TFEC: variants seen among roughly 807,000 people sequenced by gnomAD.
TFEC encodes the protein class E basic helix-loop-helix protein 34.
A neutral mutation model predicts 41.6 loss-of-function variants in TFEC; 31 were observed. The ratio of observed to expected loss-of-function variants is 0.74; its 90% CI spans 0.56 to 1.01. The LOEUF (loss-of-function observed/expected upper bound fraction) is 1.01. Ranked by LOEUF, TFEC falls within the 50% of genes least tolerant of loss-of-function variation. The pLI is 0.00. For missense variants in TFEC, 402 were observed against 404.1 expected, an observed-to-expected ratio of 0.99 and a Z score of 0.04; for synonymous variants, 143 against 140.6, an observed-to-expected ratio of 1.02 and a Z score of -0.12.
chr7:115,947,247 A>G (rs934042209), intron 6 of TFEC, among the ~76,000 whole-genome samples: 67 of 151,180 alleles, frequency 4.4e-4, no homozygotes, highest in African/African-American at 1.6e-3. Context: ...AAGGATGTGA[A>G]CTCATCATTT....
At chr7:116,112,000 T>G (rs1797866036) in exon 2 of TFEC, 1 of 986,822 alleles carries the variant, frequency 1.0e-6, no homozygotes, top group South Asian at 4.7e-5. Context: ...ACCTTTTACT[T>G]TCTGATTTTC....
intron 3 of TFEC, among the ~76,000 whole-genome samples, chr7:116,062,560 CATATATAT>C (rs57742551): frequency 0.08 from 8,085 of 101,376 alleles, 377 homozygotes; most frequent in Non-Finnish European, 0.093. Context: ...GAGTAGTACT[CATATATAT>C]ATATATATAT....
intron 3 of TFEC, among the ~76,000 whole-genome samples, chr7:116,107,129 G>A: frequency 6.6e-6 from 1 of 152,174 alleles, no homozygotes; most frequent in East Asian, 1.9e-4. Flanking sequence ...GTTAAATGGT[G>A]AAGACTTAAC....
At chr7:115,952,629 T>C (rs1792006875) in intron 5 of TFEC, among the ~76,000 whole-genome samples, 1 of 152,208 alleles carries the variant, frequency 6.6e-6, no homozygotes, top group East Asian at 1.9e-4. Flanking sequence ...GTCTATGAAT[T>C]TTTAAATGGC....
At chr7:116,142,025 C>A (rs532616885) in intron 1 of TFEC, among the ~76,000 whole-genome samples, 1 of 152,096 alleles carries the variant, frequency 6.6e-6, no homozygotes, top group Admixed American at 6.6e-5. Context: ...AGTGATATCA[C>A]GAGATACTGG....
At chr7:116,141,626 A>G (rs181822249) in intron 1 of TFEC, among the ~76,000 whole-genome samples, 3 of 152,336 alleles carry the variant, frequency 2.0e-5, no homozygotes, top group East Asian at 3.9e-4. Flanking sequence ...CTGGAAGCAC[A>G]GAGGCAGTCA....
At chr7:116,005,380 G>A (rs539424395) in intron 1 of TFEC, among the ~76,000 whole-genome samples, 20 of 152,290 alleles carry the variant, frequency 1.3e-4, no homozygotes, top group African/African-American at 4.8e-4. Flanking sequence ...GGTCCAGGAT[G>A]AGGTGGTCTC....
chr7:116,026,953 G>A (rs1272445214), intron 1 of TFEC, among the ~76,000 whole-genome samples: 1 of 152,160 alleles, frequency 6.6e-6, no homozygotes, highest in African/African-American at 2.4e-5. Flanking sequence ...ATGCCTCTTA[G>A]CCAAATGTTA....
chr7:116,085,804 C>T (rs1277762440), intron 3 of TFEC, among the ~76,000 whole-genome samples: 2 of 151,846 alleles, frequency 1.3e-5, no homozygotes, highest in Non-Finnish European at 2.9e-5. Flanking sequence ...TTGGTTAATT[C>T]ATTCACAGTG....
At chr7:116,108,059 C>A (rs1176695577) in intron 3 of TFEC, among the ~76,000 whole-genome samples, 3 of 152,120 alleles carry the variant, frequency 2.0e-5, no homozygotes, top group African/African-American at 7.2e-5. Flanking sequence ...TACAACTTTT[C>A]ATTAAAACCC....
intron 3 of TFEC, among the ~76,000 whole-genome samples, chr7:116,067,690 T>A (rs1252558834): frequency 6.6e-6 from 1 of 151,972 alleles, no homozygotes; most frequent in South Asian, 2.1e-4. Flanking sequence ...TATGTGAAAA[T>A]TGTGGGTGGC....
chr7:116,008,638 T>C (rs1021909931), intron 1 of TFEC, among the ~76,000 whole-genome samples: 1 of 152,220 alleles, frequency 6.6e-6, no homozygotes, highest in African/African-American at 2.4e-5. Context: ...CATTTGTTAA[T>C]GTTCTGCAGT....
chr7:116,087,531 A>G (rs1288221409), intron 3 of TFEC, among the ~76,000 whole-genome samples: 1 of 152,042 alleles, frequency 6.6e-6, no homozygotes, highest in Non-Finnish European at 1.5e-5. Context: ...GCTTTCACCC[A>G]TAAGCTGTTA....
rs1417039810 is a variant in TFEC, at chr7:116,106,175, C to G, written c.198+4533G>C. Among the ~76,000 whole-genome samples the G allele has an allele frequency of 3.3e-5, 5 of 152,056 alleles. No homozygotes were observed. In the East Asian group the frequency reaches 9.6e-4, roughly 29 times the overall value. ...TAAAGAATATCTCTTATTTTAAATA[C>G]TCTAAAAACTGTCTAATTTCACTCT... On this transcript the variant is annotated intron_variant, in intron 3 of 8. Transcript: ENST00000484212.
At chr7:116,143,617 G>A (rs953889762) in intron 1 of TFEC, among the ~76,000 whole-genome samples, 2 of 152,172 alleles carry the variant, frequency 1.3e-5, no homozygotes, top group Non-Finnish European at 2.9e-5. Flanking sequence ...ACTGAGTTCT[G>A]CACATCACCC....
chr7:115,965,953 A>G (rs1584602544), intron 3 of TFEC, among the ~76,000 whole-genome samples: 1 of 151,340 alleles, frequency 6.6e-6, no homozygotes, highest in East Asian at 2.0e-4. Flanking sequence ...CCCTATTCTC[A>G]TATTTCAAGA....
At chr7:116,079,043 G>C (rs1449857337) in intron 3 of TFEC, among the ~76,000 whole-genome samples, 1 of 152,012 alleles carries the variant, frequency 6.6e-6, no homozygotes, top group African/African-American at 2.4e-5. Context: ...GTCAATAAAT[G>C]TGATAGATGA....
intron 3 of TFEC, among the ~76,000 whole-genome samples, chr7:116,053,062 A>G (rs1054181470): frequency 1.3e-5 from 2 of 151,730 alleles, no homozygotes; most frequent in African/African-American, 4.8e-5. Flanking sequence ...ACGGAGCGAG[A>G]CTCCATTTAA....
At chr7:116,083,233 A>G (rs1797130250) in intron 3 of TFEC, among the ~76,000 whole-genome samples, 1 of 151,904 alleles carries the variant, frequency 6.6e-6, no homozygotes, top group Non-Finnish European at 1.5e-5. Flanking sequence ...TTACAAGGCT[A>G]ACTTCTTCTA....
Sources: gnomAD v4.1 joint callset for allele counts (sites outside exome capture counted in the v4.1 genomes callset) on GRCh38, gnomAD v4.1.1 for gene constraint, MANE v1.5 for transcripts, NCBI Gene and HGNC (gene_info 2026-07-23, HGNC 2026-07-21) for gene names.